AFDN: variants seen among roughly 807,000 people sequenced by gnomAD.
The protein encoded by AFDN is afadin, adherens junction formation factor.
In AFDN, 68 loss-of-function variants were observed where a neutral mutation model predicts 216.6. The observed-to-expected ratio is 0.31, with a 90% confidence interval of 0.26 to 0.38. AFDN has a LOEUF of 0.38. Among genes scored for constraint, AFDN ranks in the 10% least tolerant of loss-of-function variants. The pLI, the probability that AFDN is intolerant of heterozygous loss-of-function variation, is 1.00. For missense variants in AFDN, 2,136 were observed against 2,342.0 expected (o/e 0.91, Z 1.82); for synonymous variants, 868 against 853.7 (o/e 1.02, Z -0.29).
chr6:167,842,065 A>G (rs1781133555), intron 1 of AFDN, among the ~76,000 whole-genome samples: 1 of 152,004 alleles, frequency 6.6e-6, no homozygotes, highest in Admixed American at 6.6e-5. Context: ...TTAAACAAAC[A>G]TTTCTACTCC....
chr6:167,831,450 GTGTGTTCT>G (rs767531304), intron 1 of AFDN, among the ~76,000 whole-genome samples: 1 of 152,060 alleles, frequency 6.6e-6, no homozygotes, highest in Non-Finnish European at 1.5e-5. Context: ...GTTTGATTCG[GTGTGTTCT>G]TGTAAGTCTG....
rs1460925423 is a variant in AFDN, at chr6:167,962,743, C to T, written c.4968+176C>T. The T allele has an allele frequency of 1.4e-5, 21 of 1,486,896 alleles. No individual in the cohort carries two copies. In the East Asian group the frequency reaches 4.7e-4, roughly 33 times the overall value. The allele number at this position is 1,486,896 out of a possible 1,614,324, so 92.1% of individuals were successfully genotyped here. A position where few individuals can be genotyped will look rare whatever the true frequency, so the allele number is the denominator to read the frequency against. On this transcript the variant is annotated intron_variant, in intron 31 of 33. Coordinates refer to ENST00000683244, the MANE Select transcript of AFDN (RefSeq NM_001386888.1). This position sits in a 1 kb window ranked among gnomAD's most constrained non-coding sequence, Gnocchi z 5.2. Reference sequence around the variant, plus strand: ...AACTTTACCCCATCTGGCCCACCTACCTCTCTTCTGGACTGTCTCCAGATC... The same window carrying T: ...AACTTTACCCCATCTGGCCCACCTATCTCTCTTCTGGACTGTCTCCAGATC...
Position 167,971,311 on chromosome 6 carries a change from T to G in AFDN, c.*1376T>G. On this transcript the variant is annotated 3_prime_UTR_variant, in exon 34 of 34. Transcript: ENST00000683244. ...ACACATTTTCAAAGAGAATGTTCTC[T>G]TACATATGTTAGGAAAATAGGCACA... The G allele has an allele frequency of 4.6e-6, 1 of 216,926 alleles. No individual in the cohort carries two copies. The highest frequency in any genetic ancestry group is 9.3e-6 in the Non-Finnish European group (1 of 107,960). 13.4% of individuals were successfully genotyped at this position (216,926 alleles called of 1,614,324 possible). A position where few individuals can be genotyped will look rare whatever the true frequency, so the allele number is the denominator to read the frequency against.
chr6:167,889,523 T>C (rs1334822748), intron 7 of AFDN, among the ~76,000 whole-genome samples, 197 bp downstream of exon 7: 4 of 152,184 alleles, frequency 2.6e-5, no homozygotes, highest in African/African-American at 9.7e-5. Flanking sequence ...AAGCTCCACC[T>C]CCCGGTTTCA....
At chr6:167,880,762 A>C (rs1001278846) in intron 6 of AFDN, among the ~76,000 whole-genome samples, 1 of 152,212 alleles carries the variant, frequency 6.6e-6, no homozygotes, top group African/African-American at 2.4e-5. Flanking sequence ...AAATTACCCC[A>C]AAATCAATTG....
chr6:167,908,174 G>T (rs1327985116), intron 13 of AFDN, among the ~76,000 whole-genome samples: 1 of 152,220 alleles, frequency 6.6e-6, no homozygotes, highest in African/African-American at 2.4e-5. Flanking sequence ...CAGTCAGTGA[G>T]GCAGTTAGAT....
Position 167,969,891 on chromosome 6 carries a change from T to G in AFDN, c.5452T>G (p.Ser1818Ala). ...GQDVSNKVKASRKLTELENEL... is the reference protein window; with the variant it reads ...GQDVSNKVKAARKLTELENEL... Reference sequence around the variant, plus strand: ...AGATGTATCCAATAAAGTGAAAGCTTCTCGTAAATTAACAGAACTGGAGAA... The same window carrying G: ...AGATGTATCCAATAAAGTGAAAGCTGCTCGTAAATTAACAGAACTGGAGAA... Residue 1818 changes from serine to alanine, a missense_variant, in exon 34 of 34, where the codon TCT (serine) becomes GCT (alanine). By Grantham distance (99) the Ser-to-Ala change is moderately conservative. This residue lies in a region of AFDN where 981 missense variants were observed against 966.0 expected (regional missense o/e 1.02). Transcript: ENST00000683244. 5 of 1,612,150 alleles carry G rather than the reference T, an allele frequency of 3.1e-6. No homozygotes were observed. Among genetic ancestry groups the G allele is most frequent in the East Asian group, 2.2e-5 (1 of 44,856 alleles).
intron 23 of AFDN, among the ~76,000 whole-genome samples, chr6:167,925,753 T>G (rs1562686015): frequency 6.6e-6 from 1 of 152,338 alleles, no homozygotes; most frequent in East Asian, 1.9e-4. Context: ...GTATTGTGAC[T>G]TGGTGTTACT....
At chr6:167,914,062 T>G (rs1482896115) in intron 16 of AFDN, 106 bp from the exon 17 acceptor site, 3 of 1,204,240 alleles carry the variant, frequency 2.5e-6, no homozygotes, top group Non-Finnish European at 3.5e-6. Flanking sequence ...CTTGGTGAAA[T>G]GGGAAGGTAC....
Position 167,943,945 on chromosome 6 carries a change from G to T in AFDN, c.3244G>T (p.Ala1082Ser). The T allele has an allele frequency of 1.9e-6, 3 of 1,613,942 alleles. No individual in the cohort carries two copies. The highest frequency in any genetic ancestry group is 2.5e-6 in the Non-Finnish European group (3 of 1,179,842). ...SLVGLSQERA[A>S]ELMTRTSSVV... ...TGTGTAATCTTCTTCTCCTAGGGCGGCAGAACTCATGACAAGAACAAGCTC... is the reference window on the plus strand; with the variant it reads ...TGTGTAATCTTCTTCTCCTAGGGCGTCAGAACTCATGACAAGAACAAGCTC... The change falls in exon 26 of 34, where the codon GCA becomes TCA. Residue 1082 changes from alanine to serine, a missense_variant. Ala to Ser is a moderately conservative substitution (Grantham distance 99). Around this residue, in one of 8 missense-constraint regions of AFDN, gnomAD observed 74 missense variants for 98.8 expected, o/e 0.75. Coordinates refer to ENST00000683244, the MANE Select transcript of AFDN (RefSeq NM_001386888.1).
intron 29 of AFDN, among the ~76,000 whole-genome samples, chr6:167,949,460 A>C (rs1408599610): frequency 2.0e-5 from 3 of 152,136 alleles, no homozygotes; most frequent in Non-Finnish European, 2.9e-5. Context: ...ACGGCAGAAA[A>C]TGCTCCTCAG....
In AFDN at chr6:167,943,981, C is replaced by A; in HGVS notation, c.3280C>A (p.Leu1094Met). The change falls in exon 26 of 34, where the codon CTG becomes ATG. Residue 1094 changes from leucine to methionine, a missense_variant. By Grantham distance (15) the Leu-to-Met change is conservative. Coordinates refer to ENST00000683244, the MANE Select transcript of AFDN (RefSeq NM_001386888.1). The stretch of plus-strand genomic sequence containing the variant: ...GACAAGAACAAGCTCTGTGGTGACA[C>A]TGGAAGTAGCAAAGCAGGGTGCCAT... ...LMTRTSSVVT[L>M]EVAKQGAIYH... 6.2e-7 allele frequency: 1 copy of A among 1,614,190 alleles called. No homozygotes were observed. The highest frequency in any genetic ancestry group is 8.5e-7 in the Non-Finnish European group (1 of 1,180,028).
intron 31 of AFDN, chr6:167,964,226 C>T: frequency 9.4e-7 from 1 of 1,064,096 alleles, no homozygotes; most frequent in Non-Finnish European, 1.1e-6. Flanking sequence ...GTCCAAAACT[C>T]ATGGGTTTGC....
chr6:167,879,789 A>G (rs1785883287), intron 5 of AFDN, among the ~76,000 whole-genome samples: 1 of 151,978 alleles, frequency 6.6e-6, no homozygotes, highest in Non-Finnish European at 1.5e-5. Flanking sequence ...TAAAAATAGA[A>G]CTCTGCTCTG....
intron 27 of AFDN, among the ~76,000 whole-genome samples, chr6:167,947,348 T>G (rs1210542663): frequency 6.6e-6 from 1 of 151,904 alleles, no homozygotes; most frequent in African/African-American, 2.4e-5. Context: ...CCCGGCTAAT[T>G]TTTTGTATTT....
intron 8 of AFDN, among the ~76,000 whole-genome samples, 171 bp downstream of exon 8, chr6:167,891,200 A>G (rs1210740366): frequency 6.6e-6 from 1 of 152,172 alleles, no homozygotes; most frequent in Non-Finnish European, 1.5e-5. Flanking sequence ...AAATTATTAA[A>G]ACTTAAGGTT....
At chr6:167,897,460 C>G (rs1788402322) in intron 10 of AFDN, among the ~76,000 whole-genome samples, 1 of 152,148 alleles carries the variant, frequency 6.6e-6, no homozygotes, top group South Asian at 2.1e-4. Flanking sequence ...ATCACCCTTG[C>G]TCTGTACTTA....
chr6:167,861,057 G>A (rs1054788173), intron 1 of AFDN, among the ~76,000 whole-genome samples: 2 of 152,048 alleles, frequency 1.3e-5, no homozygotes, highest in Admixed American at 1.3e-4. Flanking sequence ...GGTGGTCAGT[G>A]TACTTCTTTG....
intron 6 of AFDN, among the ~76,000 whole-genome samples, chr6:167,883,253 C>G (rs1202516028): frequency 2.0e-5 from 3 of 152,052 alleles, no homozygotes; most frequent in Non-Finnish European, 2.9e-5. Flanking sequence ...ATGTCCAAGA[C>G]TGAAGGTAAA....
Sources: allele counts gnomAD v4.1 joint callset (sites outside exome capture counted in the v4.1 genomes callset), GRCh38; gene constraint gnomAD v4.1.1; regional missense constraint gnomAD v4.1.1; non-coding constraint Gnocchi (gnomAD v3.1); transcripts MANE v1.5; gene names NCBI Gene and HGNC (gene_info 2026-07-23, HGNC 2026-07-21).